Variants in ROBO2 observed in about 807,000 individuals in gnomAD.
ROBO2 encodes the protein roundabout homolog 2.
Under a neutral mutation model 160.8 loss-of-function variants are expected in ROBO2, and 53 were observed. The ratio of observed to expected loss-of-function variants is 0.33; its 90% confidence interval spans 0.26 to 0.41. ROBO2 has a LOEUF of 0.41. ROBO2 is among the 10% of genes least tolerant of loss of function. The pLI, the probability that ROBO2 is intolerant of heterozygous loss-of-function variation, is 1.00. For synonymous variants in ROBO2, 664 were observed against 611.7 expected (o/e 1.09, Z -1.26); for missense variants, 1,577 against 1,722.4 (o/e 0.92, Z 1.49).
At chr3:77,465,814 C>CT (rs1167210989) in intron 2 of ROBO2, among the ~76,000 whole-genome samples, 2 of 152,126 alleles carry the variant, frequency 1.3e-5, no homozygotes, top group Non-Finnish European at 2.9e-5. Context: ...AGAAACTGTG[C>CT]TTTTCATAAG....
At chr3:75,962,018 G>A (rs1392481724) in intron 2 of ROBO2, among the ~76,000 whole-genome samples, 1 of 149,140 alleles carries the variant, frequency 6.7e-6, no homozygotes, top group Non-Finnish European at 1.5e-5. Flanking sequence ...ATTAATAAAA[G>A]AAGACATTAA....
intron 2 of ROBO2, among the ~76,000 whole-genome samples, chr3:76,298,413 T>A (rs1181563404): frequency 6.6e-6 from 1 of 152,126 alleles, no homozygotes; most frequent in Non-Finnish European, 1.5e-5. Context: ...CTAAATTATG[T>A]TTCTAAGAAC....
At chr3:77,580,490 G>T (rs2093888650) in intron 16 of ROBO2, among the ~76,000 whole-genome samples, 1 of 152,092 alleles carries the variant, frequency 6.6e-6, no homozygotes, top group African/African-American at 2.4e-5. Flanking sequence ...CTTAGTCAGA[G>T]AAATGTCAAA....
intron 2 of ROBO2, among the ~76,000 whole-genome samples, chr3:76,987,821 A>G (rs1195491871): frequency 6.6e-6 from 1 of 152,106 alleles, no homozygotes; most frequent in Non-Finnish European, 1.5e-5. Context: ...AATTAACTTC[A>G]TTTTGTTTAC....
intron 2 of ROBO2, among the ~76,000 whole-genome samples, chr3:76,507,079 A>G (rs1378302160): frequency 6.6e-6 from 1 of 152,146 alleles, no homozygotes; most frequent in African/African-American, 2.4e-5. Flanking sequence ...CTAAATCTTG[A>G]GTTACATGTT....
chr3:76,601,408 C>T (rs1312161226), intron 2 of ROBO2, among the ~76,000 whole-genome samples: 1 of 152,164 alleles, frequency 6.6e-6, no homozygotes, highest in African/African-American at 2.4e-5. Flanking sequence ...ACCCTTGCAG[C>T]AAACTTTAGC....
intron 2 of ROBO2, among the ~76,000 whole-genome samples, chr3:76,752,761 G>C (rs1191210331): frequency 6.6e-6 from 1 of 151,812 alleles, no homozygotes; most frequent in Non-Finnish European, 1.5e-5. Context: ...GCATTAAAGA[G>C]TTGAATATGC....
At chr3:77,232,152 T>C (rs755408793) in intron 2 of ROBO2, among the ~76,000 whole-genome samples, 1 of 152,222 alleles carries the variant, frequency 6.6e-6, no homozygotes, top group Non-Finnish European at 1.5e-5. Flanking sequence ...GAAAATGTCC[T>C]GCTATTATAA....
chr3:77,589,242 GCACACGCAGA>G (rs2094127335), intron 17 of ROBO2, among the ~76,000 whole-genome samples: 1 of 149,310 alleles, frequency 6.7e-6, no homozygotes, highest in African/African-American at 2.5e-5. Context: ...ACACACACAT[GCACACGCAGA>G]CTATGTGTTA....
chr3:76,987,089 C>T (rs2060420085), intron 2 of ROBO2, among the ~76,000 whole-genome samples: 1 of 152,140 alleles, frequency 6.6e-6, no homozygotes, highest in Non-Finnish European at 1.5e-5. Context: ...GAAGCAGGCG[C>T]TAATCTCTGT....
rs147904172 is a variant in ROBO2 at position 76,402,405 on chromosome 3, TTC to T, written c.109+464807_109+464808del. 3.9e-3 allele frequency among the ~76,000 whole-genome samples: 596 copies of T among 151,654 alleles called. 6 individuals carry two copies. The highest frequency in any genetic ancestry group is 0.013 in the African/African-American group (560 of 41,488). On this transcript the variant is annotated intron_variant, in intron 2 of 26. Transcript: ENST00000487694. ...CTCTCTTCCTTGTGAAAATTAAATA[TTC>T]TCTTTTACTCATATGCTTATTAGGT...
At chr3:77,347,636 T>C (rs528238567) in intron 2 of ROBO2, among the ~76,000 whole-genome samples, 16 of 152,196 alleles carry the variant, frequency 1.1e-4, no homozygotes, top group African/African-American at 3.6e-4. Context: ...CGACCCACGG[T>C]GACTTTCACA....
At chr3:76,431,956 A>G (rs2076455885) in intron 2 of ROBO2, among the ~76,000 whole-genome samples, 1 of 152,204 alleles carries the variant, frequency 6.6e-6, no homozygotes, top group African/African-American at 2.4e-5. Flanking sequence ...AAGAAATAAG[A>G]GAATGACTCC....
At chr3:76,716,556 A>G (rs1331899046) in intron 2 of ROBO2, among the ~76,000 whole-genome samples, 2 of 152,214 alleles carry the variant, frequency 1.3e-5, no homozygotes, top group Non-Finnish European at 2.9e-5. Flanking sequence ...TATATATATC[A>G]GAGAACAAAT....
At chr3:76,175,763 G>C (rs1239825666) in intron 2 of ROBO2, among the ~76,000 whole-genome samples, 1 of 152,080 alleles carries the variant, frequency 6.6e-6, no homozygotes, top group African/African-American at 2.4e-5. Flanking sequence ...TACCGTGTGT[G>C]TTTATTACCC....
intron 2 of ROBO2, among the ~76,000 whole-genome samples, chr3:76,251,862 G>A (rs35603626): frequency 1.5e-3 from 224 of 152,030 alleles, no homozygotes; most frequent in South Asian, 2.5e-3. Context: ...ATGTTTACTC[G>A]GTGTCATCAA....
chr3:76,264,031 G>C (rs537126961), intron 2 of ROBO2, among the ~76,000 whole-genome samples: 5 of 152,222 alleles, frequency 3.3e-5, no homozygotes, highest in African/African-American at 7.2e-5. Context: ...AGAACACATG[G>C]ACACAGGGAG....
intron 1 of ROBO2, among the ~76,000 whole-genome samples, chr3:77,049,800 G>GAA (rs1197748468): frequency 6.6e-6 from 1 of 152,172 alleles, no homozygotes; most frequent in Non-Finnish European, 1.5e-5. Flanking sequence ...CTATCCCACT[G>GAA]AAAGGCTTTT....
chr3:77,402,203 A>G (rs9817252), intron 2 of ROBO2, among the ~76,000 whole-genome samples: 22,876 of 152,032 alleles, frequency 0.15, 1,801 homozygotes, highest in East Asian at 0.25. Context: ...ATCAAACACC[A>G]CATGTTCTCA....
Sources: gnomAD v4.1 joint callset for allele counts (sites outside exome capture counted in the v4.1 genomes callset) on GRCh38, gnomAD v4.1.1 for gene constraint, MANE v1.5 for transcripts, NCBI Gene and HGNC (gene_info 2026-07-23, HGNC 2026-07-21) for gene names.